SMTN: variants seen among roughly 807,000 people sequenced by gnomAD.
The protein encoded by SMTN is smoothelin.
In SMTN, 58 loss-of-function variants were observed where a neutral mutation model predicts 102.0. That is an observed-to-expected ratio of 0.57 (90% CI 0.46 to 0.71). The LOEUF (loss-of-function observed/expected upper bound fraction) is 0.71. SMTN is among the 30% of genes least tolerant of loss of function. The pLI is 0.00. For missense variants in SMTN, 1,185 were observed against 1,241.7 expected, an observed-to-expected ratio of 0.95 and a Z score of 0.69; for synonymous variants, 478 against 497.9, an observed-to-expected ratio of 0.96 and a Z score of 0.53.
At chr22:31,099,630 G>A (rs1437124728) in intron 18 of SMTN, 115 bp from the exon 19 acceptor site, 23 of 1,107,306 alleles carry the variant, frequency 2.1e-5, no homozygotes, top group Non-Finnish European at 6.4e-6. Context: ...CATTGTGCAA[G>A]CTACGGGGCC....
chr22:31,083,190 C>T lies in SMTN; in HGVS notation c.-69C>T. On this transcript the variant is annotated 5_prime_UTR_variant, in exon 2 of 21. Coordinates refer to ENST00000333137, the MANE Select transcript of SMTN (RefSeq NM_134269.3). ...TCTGTCCCCTGCAGAATTCTCTGAG[C>T]TGGTGACAGGTGCCACAGGCACTGG... is the stretch of plus-strand genomic sequence containing the variant. 1.9e-6 allele frequency: 3 copies of T among 1,574,026 alleles called. No individual in the cohort carries two copies. The highest frequency in any genetic ancestry group is 2.6e-6 in the Non-Finnish European group (3 of 1,159,980).
intron 4 of SMTN, 37 bp from the exon 5 acceptor site, chr22:31,088,662 C>T (rs776035462): frequency 3.1e-6 from 5 of 1,612,660 alleles, no homozygotes; most frequent in South Asian, 1.1e-5. Flanking sequence ...ACCTGGACTC[C>T]ACAGCCCAAC....
chr22:31,083,347 C>A, intron 2 of SMTN, 38 bp downstream of exon 2: 1 of 1,510,338 alleles, frequency 6.6e-7, no homozygotes, highest in South Asian at 1.3e-5. Flanking sequence ...GACAGGAAAG[C>A]CAAGCCAGAG....
upstream of SMTN, among the ~76,000 whole-genome samples, chr22:31,078,123 G>A (rs1446255165): frequency 1.3e-5 from 2 of 152,216 alleles, no homozygotes. Context: ...GAGAGCCCAA[G>A]GCACAGCTCC....
intron 11 of SMTN, among the ~76,000 whole-genome samples, chr22:31,093,124 C>T (rs894386418): frequency 6.6e-6 from 1 of 152,230 alleles, no homozygotes; most frequent in African/African-American, 2.4e-5. Flanking sequence ...CATGGGGCCC[C>T]GATCTCAGTG....
chr22:31,099,680 C>T, intron 18 of SMTN, 65 bp from the exon 19 acceptor site: 2 of 1,569,950 alleles, frequency 1.3e-6, no homozygotes, highest in Non-Finnish European at 8.7e-7. Context: ...TAACAGAATG[C>T]TGAGGGGTAG....
chr22:31,084,919 G>A, intron 2 of SMTN: 1 of 1,329,934 alleles, frequency 7.5e-7, no homozygotes, highest in Non-Finnish European at 9.7e-7. Context: ...GAACGGGGGC[G>A]TCCCGAGCCG....
chr22:31,075,257 C>T (rs2042100654), intron 1 of SMTN, among the ~76,000 whole-genome samples: 1 of 152,182 alleles, frequency 6.6e-6, no homozygotes, highest in Non-Finnish European at 1.5e-5. Flanking sequence ...TCTCATAATG[C>T]CATGGGGAAT....
intron 3 of SMTN, 93 bp downstream of exon 3, chr22:31,088,206 C>A: frequency 7.3e-7 from 1 of 1,369,016 alleles, no homozygotes; most frequent in Non-Finnish European, 9.9e-7. Flanking sequence ...ACAAGTGTAT[C>A]TGTGGATTGC....
chr22:31,076,963 G>C (rs144194228), upstream of SMTN, among the ~76,000 whole-genome samples: 1 of 152,154 alleles, frequency 6.6e-6, no homozygotes, highest in African/African-American at 2.4e-5. Flanking sequence ...GACCCTTCTT[G>C]TTACAGTTTT....
chr22:31,091,854 C>A lies in SMTN; in HGVS notation c.1632+7C>A. On this transcript the variant is annotated splice_region_variant and intron_variant, in intron 11 of 20. Transcript: ENST00000333137. ...AGGAGGCTGCAGCATCAAGGTGAGC[C>A]CCTCCTCACCCCACCAGCCTCACCA... is the stretch of plus-strand genomic sequence containing the variant. 1 of 1,563,390 alleles carries A rather than the reference C, an allele frequency of 6.4e-7. No homozygotes were observed. The highest frequency in any genetic ancestry group is 8.7e-7 in the Non-Finnish European group (1 of 1,150,154).
chr22:31,080,516 G>A (rs1305115237), upstream of SMTN: 1 of 152,176 alleles, frequency 6.6e-6, no homozygotes, highest in Non-Finnish European at 1.5e-5. Context: ...GGCGGCTTTA[G>A]GGCCTCTGGC....
rs2043482455 is a variant in SMTN at position 31,095,266 on chromosome 22, C to A, written c.1633-37C>A. Reference sequence around the variant, plus strand: ...GAGACATGATGAGTTTCACCCATACCCCTGCTTAAAGTCCATGCCCTCTCC... The same window carrying A: ...GAGACATGATGAGTTTCACCCATACACCTGCTTAAAGTCCATGCCCTCTCC... On this transcript the variant is annotated intron_variant, in intron 11 of 20. Transcript: ENST00000333137. The surrounding 1 kb of genome is among the most constrained non-coding windows in gnomAD (Gnocchi z 4.1). The A allele has an allele frequency of 6.2e-7, 1 of 1,607,766 alleles. No homozygotes were observed. The highest frequency in any genetic ancestry group is 1.1e-5 in the South Asian group (1 of 90,766).
At chr22:31,104,211 G>A in intron 20 of SMTN, 105 bp from the exon 21 acceptor site, 1 of 1,343,068 alleles carries the variant, frequency 7.4e-7, no homozygotes, top group South Asian at 1.3e-5. Context: ...TGGAGTTTAT[G>A]AAAGACCAGC....
chr22:31,079,175 C>T (rs1033660133), upstream of SMTN, among the ~76,000 whole-genome samples: 6 of 152,210 alleles, frequency 3.9e-5, no homozygotes, highest in Non-Finnish European at 7.3e-5. Flanking sequence ...TGCTGGGGCC[C>T]TCGTCACGGG....
intron 13 of SMTN, chr22:31,096,165 G>A (rs2147764067): frequency 5.9e-6 from 1 of 168,306 alleles, no homozygotes; most frequent in South Asian, 1.5e-4. Context: ...GCCCACTGAT[G>A]GCCACCCCAG....
At chr22:31,104,258 G>A in intron 20 of SMTN, 58 bp from the exon 21 acceptor site, 3 of 1,593,886 alleles carry the variant, frequency 1.9e-6, no homozygotes, top group Admixed American at 3.4e-5. Flanking sequence ...TGGGGTAGAG[G>A]GGCGCCACGA....
Position 31,095,696 on chromosome 22 carries a change from C to T in SMTN, c.1861+87C>T. The stretch of plus-strand genomic sequence containing the variant: ...ACTCTGGGGTCCATTTGTGGACACC[C>T]CAGCTTAATAACTGCCCTACCCAGC... On this transcript the variant is annotated intron_variant, in intron 13 of 20. Coordinates refer to ENST00000333137, the MANE Select transcript of SMTN (RefSeq NM_134269.3). This position sits in a 1 kb window ranked among gnomAD's most constrained non-coding sequence, Gnocchi z 4.1. 1 of 1,202,266 alleles carries T rather than the reference C, an allele frequency of 8.3e-7. No individual in the cohort carries two copies. The highest frequency in any genetic ancestry group is 2.1e-5 in the Admixed American group (1 of 47,908). 74.5% of individuals were successfully genotyped at this position (1,202,266 alleles called of 1,614,324 possible). A position where few individuals can be genotyped will look rare whatever the true frequency, so the allele number is the denominator to read the frequency against.
chr22:31,091,358 C>G lies in SMTN; in HGVS notation c.1335C>G (p.Pro445=), dbSNP rs562438016. ...ARSEEPGAPL[P]VAVGTAEPGG... Reference sequence around the variant, plus strand: ...CAGAGGAGCCTGGTGCCCCGCTGCCCGTGGCCGTCGGCACTGCCGAGCCAG... The same window carrying G: ...CAGAGGAGCCTGGTGCCCCGCTGCCGGTGGCCGTCGGCACTGCCGAGCCAG... The change falls in exon 10 of 21, where the codon CCC becomes CCG. Residue 445 remains proline (P), a synonymous_variant. Transcript: ENST00000333137. The G allele has an allele frequency of 1.2e-3, 1,981 of 1,605,488 alleles. 30 individuals carry two copies. The South Asian group carries it at 0.021, about 17-fold the overall frequency.
Sources: gnomAD v4.1 joint callset for allele counts (sites outside exome capture counted in the v4.1 genomes callset) on GRCh38, gnomAD v4.1.1 for gene constraint, Gnocchi (gnomAD v3.1) non-coding constraint, MANE v1.5 for transcripts, NCBI Gene and HGNC (gene_info 2026-07-23, HGNC 2026-07-21) for gene names.